The following SLC37A1 variants were observed in gnomAD, a reference collection of about 807,000 sequenced individuals.
SLC37A1 encodes solute carrier family 37 member 1.
A neutral mutation model predicts 75.3 loss-of-function variants in SLC37A1; 49 were observed. The ratio of observed to expected loss-of-function variants is 0.65; its 90% confidence interval spans 0.52 to 0.83. The LOEUF is 0.83. Ranked by LOEUF, SLC37A1 falls within the 40% of genes least tolerant of loss-of-function variation. The pLI, the probability that SLC37A1 is intolerant of heterozygous loss-of-function variation, is 0.00. For missense variants in SLC37A1, 566 were observed against 695.0 expected (o/e 0.81, Z 2.09); for synonymous variants, 268 against 292.1 (o/e 0.92, Z 0.84).
At chr21:42,554,982 G>GT (rs57783969) in intron 10 of SLC37A1, among the ~76,000 whole-genome samples, 385 of 116,576 alleles carry the variant, frequency 3.3e-3, no homozygotes, top group East Asian at 0.011. Context: ...TTGGTTGGTT[G>GT]TTTTTTTTTT....
chr21:42,537,224 A>G (rs948432164), intron 5 of SLC37A1, among the ~76,000 whole-genome samples: 1 of 152,182 alleles, frequency 6.6e-6, no homozygotes, highest in African/African-American at 2.4e-5. Context: ...TAAGTGAACA[A>G]ATGAATAATA....
At position 42,548,806 on chromosome 21, in the gene SLC37A1, G is replaced by A. The variant is rs1052716134; in HGVS notation, c.768+1666G>A. Among the ~76,000 whole-genome samples, 8 of 152,092 alleles carry A rather than the reference G, an allele frequency of 5.3e-5. No homozygotes were observed. Among genetic ancestry groups the A allele is most frequent in the Admixed American group, 2.0e-4 (3 of 15,280 alleles). On this transcript the variant is annotated intron_variant, in intron 9 of 19. Coordinates refer to ENST00000352133, the MANE Select transcript of SLC37A1 (RefSeq NM_001320537.2). This position sits in a 1 kb window ranked among gnomAD's most constrained non-coding sequence, Gnocchi z 5.6. ...CTCTGTCACCCTCACAGAAGGGTGC[G>A]AGCCCCTCGGGCCTGGATCATCACT...
At chr21:42,531,661 G>T (rs1247591515) in intron 3 of SLC37A1, among the ~76,000 whole-genome samples, 1 of 152,160 alleles carries the variant, frequency 6.6e-6, no homozygotes, top group African/African-American at 2.4e-5. Context: ...GAAGTGCTTT[G>T]GTGAGAATTT....
chr21:42,551,639 T>C (rs2055559742), intron 9 of SLC37A1, among the ~76,000 whole-genome samples: 1 of 152,216 alleles, frequency 6.6e-6, no homozygotes, highest in Non-Finnish European at 1.5e-5. Flanking sequence ...AAATCTATAA[T>C]CCTTTCTATT....
At chr21:42,578,068 T>C (rs1314945445) in intron 18 of SLC37A1, among the ~76,000 whole-genome samples, 1 of 152,208 alleles carries the variant, frequency 6.6e-6, no homozygotes, top group East Asian at 1.9e-4. Context: ...AACATGCTTT[T>C]TGGTATCTTT....
chr21:42,559,601 C>T (rs752231511), intron 11 of SLC37A1, among the ~76,000 whole-genome samples: 11 of 152,362 alleles, frequency 7.2e-5, no homozygotes, highest in East Asian at 1.9e-4. Context: ...TTAGGCTGGG[C>T]GCAGTGGCTC....
chr21:42,555,695 G>A (rs1221197718), intron 10 of SLC37A1, among the ~76,000 whole-genome samples: 1 of 152,250 alleles, frequency 6.6e-6, no homozygotes, highest in East Asian at 1.9e-4. Context: ...TTCTTCTGGT[G>A]TAGTAACTGA....
intron 16 of SLC37A1, 133 bp downstream of exon 16, chr21:42,567,191 T>C: frequency 1.2e-6 from 1 of 851,848 alleles, no homozygotes; most frequent in Non-Finnish European, 1.9e-6. Context: ...CCTACACCTG[T>C]GGTCTCCAGC....
intron 5 of SLC37A1, among the ~76,000 whole-genome samples, chr21:42,536,966 C>G (rs1266660858): frequency 1.3e-5 from 2 of 152,196 alleles, no homozygotes; most frequent in African/African-American, 4.8e-5. Flanking sequence ...GGCATGTGGT[C>G]CCAAGAGGCT....
In SLC37A1 at chr21:42,564,616, G is replaced by C. The variant is rs2055924512; in HGVS notation, c.1136-92G>C. On this transcript the variant is annotated intron_variant, in intron 13 of 19. Transcript: ENST00000352133. The stretch of plus-strand genomic sequence containing the variant: ...TGGAGAGAGGGGCTTGGGAAAGGAG[G>C]AGGCCGTTCTCCGAGCTCCTGCAGT... 5 of 975,944 alleles carry C rather than the reference G, an allele frequency of 5.1e-6. 1 individual carries two copies. In the East Asian group the frequency reaches 1.2e-4, roughly 23 times the overall value. 60.5% of individuals were successfully genotyped at this position (975,944 alleles called of 1,614,324 possible).
chr21:42,562,933 G>A (rs228100), intron 12 of SLC37A1, among the ~76,000 whole-genome samples: 83,545 of 151,878 alleles, frequency 0.55, 23,887 homozygotes, highest in Admixed American at 0.69. Context: ...AGGCTGAGGA[G>A]CACAGACCAC....
intron 7 of SLC37A1, among the ~76,000 whole-genome samples, chr21:42,542,780 T>G (rs2055315036): frequency 6.6e-6 from 1 of 152,252 alleles, no homozygotes. Flanking sequence ...CCCCAGGCCT[T>G]TTGAAGCCAA....
At position 42,579,736 on chromosome 21, in the gene SLC37A1, T is replaced by G. The variant is rs2056383060; in HGVS notation, c.1522T>G (p.Phe508Val). 3 of 1,614,124 alleles carry G rather than the reference T, an allele frequency of 1.9e-6. 1 individual carries two copies. The East Asian group carries it at 6.7e-5, about 36-fold the overall frequency. The change falls in exon 19 of 20, where the codon TTC becomes GTC. Residue 508 changes from phenylalanine to valine, a missense_variant and splice_region_variant. By Grantham distance (50) the Phe-to-Val change is conservative. Transcript: ENST00000352133. Reference sequence around the variant, plus strand: ...TGGGCTCACCTTTGTTTTGGTGCAGTTCCTGATCCGCCTCATACACAAGGA... The same window carrying G: ...TGGGCTCACCTTTGTTTTGGTGCAGGTCCTGATCCGCCTCATACACAAGGA... Reference protein sequence around the residue: ...LMFADACALLFLIRLIHKELS... With the variant: ...LMFADACALLVLIRLIHKELS...
At chr21:42,567,098 C>T (rs1266082176) in intron 16 of SLC37A1, 40 bp downstream of exon 16, 1 of 1,597,886 alleles carries the variant, frequency 6.3e-7, no homozygotes, top group Non-Finnish European at 8.5e-7. Flanking sequence ...TGTGGGCACC[C>T]TGCCATGTGC....
chr21:42,518,986 T>G (rs57935695), intron 2 of SLC37A1, among the ~76,000 whole-genome samples: 3,695 of 152,308 alleles, frequency 0.024, 127 homozygotes, highest in African/African-American at 0.084. Flanking sequence ...CTGAGAATCC[T>G]TCTCTTAGGT....
chr21:42,529,036 G>A (rs2054872538), intron 3 of SLC37A1, among the ~76,000 whole-genome samples: 1 of 151,988 alleles, frequency 6.6e-6, no homozygotes, highest in Non-Finnish European at 1.5e-5. Flanking sequence ...ATGAAAGAAT[G>A]TCCAGGAATT....
intron 17 of SLC37A1, among the ~76,000 whole-genome samples, chr21:42,573,551 G>C (rs948023318): frequency 6.6e-6 from 1 of 152,138 alleles, no homozygotes; most frequent in East Asian, 1.9e-4. Context: ...ATGTTGCTTG[G>C]GGGTGTGGAG....
intron 18 of SLC37A1, among the ~76,000 whole-genome samples, chr21:42,579,138 T>TA: frequency 6.6e-6 from 1 of 152,196 alleles, no homozygotes; most frequent in Admixed American, 6.5e-5. Context: ...GGCACGGAGT[T>TA]AAAGCTCTGG....
rs1161826199 is a variant in SLC37A1 at position 42,545,177 on chromosome 21, G to C, written c.730+1575G>C. Among the ~76,000 whole-genome samples the C allele has an allele frequency of 3.9e-5, 6 of 152,274 alleles. No homozygotes were observed. In the East Asian group the frequency reaches 1.2e-3, roughly 29 times the overall value. Reference sequence around the variant, plus strand: ...CTGTCCCTGGGTCCTCTGGCCACAGGCCCACTCACCTACAGGAAGGCTGCA... The same window carrying C: ...CTGTCCCTGGGTCCTCTGGCCACAGCCCCACTCACCTACAGGAAGGCTGCA... On this transcript the variant is annotated intron_variant, in intron 8 of 19. Coordinates refer to ENST00000352133, the MANE Select transcript of SLC37A1 (RefSeq NM_001320537.2). This position sits in a 1 kb window ranked among gnomAD's most constrained non-coding sequence, Gnocchi z 4.0.
Sources: allele counts gnomAD v4.1 joint callset (sites outside exome capture counted in the v4.1 genomes callset), GRCh38; gene constraint gnomAD v4.1.1; non-coding constraint Gnocchi (gnomAD v3.1); transcripts MANE v1.5; gene names NCBI Gene and HGNC (gene_info 2026-07-23, HGNC 2026-07-21).